The following UTP20 variants were observed in gnomAD, a reference collection of about 807,000 sequenced individuals.
UTP20 encodes the protein small subunit processome component 20 homolog.
UTP20 carries 164 observed loss-of-function variants against 329.5 expected under a neutral mutation model. The ratio of observed to expected loss-of-function variants is 0.50; its 90% CI spans 0.44 to 0.57. UTP20 has a LOEUF of 0.57. Among genes scored for constraint, UTP20 ranks in the 20% least tolerant of loss-of-function variants. The probability of loss-of-function intolerance (pLI) is 0.00; values close to 1 mark genes in which losing one functional copy is unlikely to be tolerated. For synonymous variants in UTP20, 1,151 were observed against 1,159.3 expected (o/e 0.99, Z 0.14); for missense variants, 3,055 against 3,284.2 (o/e 0.93, Z 1.71).
rs746025682 is a variant in UTP20 at position 101,317,516 on chromosome 12, C to T, written c.2591C>T (p.Thr864Ile). 4.3e-6 allele frequency: 7 copies of T among 1,613,968 alleles called. No homozygotes were observed. Among genetic ancestry groups the T allele is most frequent in the Middle Eastern group, 1.6e-4 (1 of 6,084 alleles). ...CCAGCAGATCTGCAAGTTGCTCCAACCCAGGATCTACGGAGAAAAGGCAAA... is the reference window on the plus strand; with the variant it reads ...CCAGCAGATCTGCAAGTTGCTCCAATCCAGGATCTACGGAGAAAAGGCAAA... The part of the protein sequence containing the change: ...YYPADLQVAP[T>I]QDLRRKGKGM... The change falls in exon 22 of 62, where the codon ACC becomes ATC. Residue 864 changes from threonine (T) to isoleucine (I), a missense_variant. Thr to Ile is a moderately conservative substitution (Grantham distance 89). This residue lies in a region of UTP20 where 2,445 missense variants were observed against 2,575.5 expected (regional missense o/e 0.95). Transcript: ENST00000261637.
chr12:101,349,644 T>C (rs1869451629), intron 38 of UTP20, among the ~76,000 whole-genome samples: 1 of 152,170 alleles, frequency 6.6e-6, no homozygotes, highest in Non-Finnish European at 1.5e-5. Context: ...TTTCATTATG[T>C]TTTCCAGGCT....
intron 15 of UTP20, among the ~76,000 whole-genome samples, chr12:101,305,610 A>ATT (rs934581775): frequency 1.6e-4 from 21 of 131,612 alleles, no homozygotes; most frequent in South Asian, 1.6e-3. Flanking sequence ...AATAATAAAT[A>ATT]TTATATATAT....
chr12:101,356,861 G>T lies in UTP20; in HGVS notation c.5535-65G>T. On this transcript the variant is annotated intron_variant, in intron 42 of 61. Coordinates refer to ENST00000261637, the MANE Select transcript of UTP20 (RefSeq NM_014503.3). The stretch of plus-strand genomic sequence containing the variant: ...GTTACGAGTAATTAAGAGACTAAAG[G>T]ATATGTGTATGTTTAATTGCTTCTG... The T allele has an allele frequency of 2.0e-6, 3 of 1,530,474 alleles. No homozygotes were observed. The East Asian group carries it at 6.8e-5, about 35-fold the overall frequency. The allele number at this position is 1,530,474 out of a possible 1,614,324, so 94.8% of individuals were successfully genotyped here. A position where few individuals can be genotyped will look rare whatever the true frequency, so the allele number is the denominator to read the frequency against.
At chr12:101,282,452 G>A (rs1239656669) in intron 2 of UTP20, among the ~76,000 whole-genome samples, 1 of 120,336 alleles carries the variant, frequency 8.3e-6, no homozygotes, top group South Asian at 2.5e-4. Flanking sequence ...GGTTATAGGT[G>A]TGTATAGGGT....
Position 101,344,591 on chromosome 12 carries a change from G to A in UTP20, c.4450-4G>A. ...AATTTCTTTTTTATTTCTCTTTTTT[G>A]CAGTTAGGAGATATGAGTTTAAGTG... On this transcript the variant is annotated splice_polypyrimidine_tract_variant and splice_region_variant and intron_variant, in intron 35 of 61. Coordinates refer to ENST00000261637, the MANE Select transcript of UTP20 (RefSeq NM_014503.3). 2.2e-6 allele frequency: 2 copies of A among 917,092 alleles called. No individual in the cohort carries two copies. The highest frequency in any genetic ancestry group is 3.6e-6 in the Non-Finnish European group (2 of 548,524). The allele number at this position is 917,092 out of a possible 1,614,324, so 56.8% of individuals were successfully genotyped here.
chr12:101,315,617 T>C (rs1312105500), intron 21 of UTP20, among the ~76,000 whole-genome samples: 2 of 152,210 alleles, frequency 1.3e-5, no homozygotes, highest in Non-Finnish European at 2.9e-5. Flanking sequence ...GTAGATATAG[T>C]GGCAGAAAAG....
chr12:101,363,821 C>G lies in UTP20; in HGVS notation c.5958+78C>G, dbSNP rs903238733. ...CCTAAAAGGAACCATGCGGGGCAAA[C>G]TGAAACACTGTTCTTGATCACCCAT... is the stretch of plus-strand genomic sequence containing the variant. On this transcript the variant is annotated intron_variant, in intron 45 of 61. Transcript: ENST00000261637. 6 of 922,768 alleles carry G rather than the reference C, an allele frequency of 6.5e-6. No homozygotes were observed. In the African/African-American group the frequency reaches 6.6e-5, roughly 10 times the overall value. 57.2% of individuals were successfully genotyped at this position (922,768 alleles called of 1,614,324 possible). A position where few individuals can be genotyped will look rare whatever the true frequency, so the allele number is the denominator to read the frequency against.
intron 12 of UTP20, among the ~76,000 whole-genome samples, chr12:101,298,764 A>G (rs1872437943): frequency 1.3e-5 from 2 of 152,200 alleles, no homozygotes; most frequent in Admixed American, 1.3e-4. Context: ...TAAGGAATTG[A>G]TAATTAAATT....
At chr12:101,385,446 A>T (rs1001428279) in intron 60 of UTP20, 137 bp from the exon 61 acceptor site, 4 of 996,016 alleles carry the variant, frequency 4.0e-6, no homozygotes, top group Admixed American at 2.6e-5. Context: ...AAGAGTTGAA[A>T]TTTTGTTTTG....
In UTP20 at chr12:101,371,052, T is replaced by C; in HGVS notation, c.6688-6T>C. ...AATGAGTATGTCTTTTCCTTTTGTA[T>C]CTTAGGCAATTTTATCAAGAAAGCT... On this transcript the variant is annotated splice_region_variant and splice_polypyrimidine_tract_variant and intron_variant, in intron 50 of 61. Transcript: ENST00000261637. The C allele has an allele frequency of 1.2e-6, 2 of 1,613,444 alleles. No individual in the cohort carries two copies. Among genetic ancestry groups the C allele is most frequent in the East Asian group, 2.2e-5 (1 of 44,874 alleles).
chr12:101,374,183 C>T (rs1452543567), intron 54 of UTP20, among the ~76,000 whole-genome samples: 3 of 149,716 alleles, frequency 2.0e-5, no homozygotes, highest in South Asian at 2.1e-4. Context: ...TGCAGTGAGC[C>T]GAGGTCCCGC....
chr12:101,358,042 T>A (rs1285320869), intron 43 of UTP20, among the ~76,000 whole-genome samples: 1 of 152,164 alleles, frequency 6.6e-6, no homozygotes, highest in African/African-American at 2.4e-5. Context: ...AAGAAAACAA[T>A]TTTGGTACAG....
rs372256708 is a variant in UTP20, at chr12:101,350,780, C to T, written c.4885-1275C>T. On this transcript the variant is annotated intron_variant, in intron 38 of 61. Transcript: ENST00000261637. ...ATATGGTCTTTGATGATTGTTTTGCCTGTTCCCTTCTGTGGTTCTTTTCCC... is the reference window on the plus strand; with the variant it reads ...ATATGGTCTTTGATGATTGTTTTGCTTGTTCCCTTCTGTGGTTCTTTTCCC... 7.9e-5 allele frequency among the ~76,000 whole-genome samples: 12 copies of T among 152,220 alleles called. No individual in the cohort carries two copies. The East Asian group carries it at 2.3e-3, about 29-fold the overall frequency.
At chr12:101,339,471 T>C (rs182733923) in intron 31 of UTP20, among the ~76,000 whole-genome samples, 40 of 152,346 alleles carry the variant, frequency 2.6e-4, no homozygotes, top group African/African-American at 8.9e-4. Context: ...GATTACTTAC[T>C]AGAAACCGTT....
intron 55 of UTP20, 108 bp downstream of exon 55, chr12:101,375,047 G>C: frequency 8.2e-6 from 6 of 729,838 alleles, no homozygotes; most frequent in South Asian, 2.1e-5. Context: ...TATATTTATA[G>C]CTATAGCTAT....
Position 101,302,445 on chromosome 12 carries a change from T to C in UTP20, c.1676-3T>C. On this transcript the variant is annotated splice_polypyrimidine_tract_variant and splice_region_variant and intron_variant, in intron 14 of 61. Transcript: ENST00000261637. ...GTGGTTTCTCCTGTTTTTCTGCCCT[T>C]AGGAAACTTATTTGTTCTTTGTCAA... The C allele has an allele frequency of 6.3e-7, 1 of 1,586,958 alleles. No homozygotes were observed. Among genetic ancestry groups the C allele is most frequent in the South Asian group, 1.1e-5 (1 of 87,176 alleles).
intron 29 of UTP20, among the ~76,000 whole-genome samples, chr12:101,337,689 GTC>G (rs1868977160): frequency 6.6e-6 from 1 of 152,154 alleles, no homozygotes; most frequent in African/African-American, 2.4e-5. Context: ...TTTTCAGTAA[GTC>G]TCTTTTAGAA....
intron 7 of UTP20, 136 bp downstream of exon 7, chr12:101,290,410 A>G (rs769336899): frequency 3.2e-4 from 342 of 1,075,868 alleles, no homozygotes; most frequent in East Asian, 1.3e-3. Context: ...GTGTTCAGTA[A>G]CAATGCTTAC....
At chr12:101,291,674 T>A in intron 8 of UTP20, 68 bp from the exon 9 acceptor site, 1 of 1,466,340 alleles carries the variant, frequency 6.8e-7, no homozygotes, top group Non-Finnish European at 9.0e-7. Flanking sequence ...TGTCCCACAG[T>A]TTTTATTGTT....
Sources: gnomAD v4.1 joint callset for allele counts (sites outside exome capture counted in the v4.1 genomes callset) on GRCh38, gnomAD v4.1.1 for gene constraint, gnomAD v4.1.1 regional missense constraint, MANE v1.5 for transcripts, NCBI Gene and HGNC (gene_info 2026-07-23, HGNC 2026-07-21) for gene names.